FOCAD: variants seen among roughly 807,000 people sequenced by gnomAD.
FOCAD encodes KIAA1797.
In FOCAD, 198 loss-of-function variants were observed where a neutral mutation model predicts 225.6. That is an observed-to-expected ratio of 0.88 (90% CI 0.78 to 0.99). The LOEUF (loss-of-function observed/expected upper bound fraction) is 0.99, where lower values mean the gene tolerates loss of function less well. Ranked by LOEUF, FOCAD falls within the 50% of genes least tolerant of loss-of-function variation. The pLI, the probability that FOCAD is intolerant of heterozygous loss-of-function variation, is 0.00. For synonymous variants in FOCAD, 897 were observed against 755.0 expected (o/e 1.19, Z -3.08); for missense variants, 2,713 against 2,123.6 (o/e 1.28, Z -5.46).
At chr9:20,796,671 T>C (rs951784268) in intron 11 of FOCAD, among the ~76,000 whole-genome samples, 1 of 152,232 alleles carries the variant, frequency 6.6e-6, no homozygotes, top group African/African-American at 2.4e-5. Context: ...TGTTTGTTTT[T>C]TTCTTGTAAA....
intron 5 of FOCAD, 33 bp from the exon 6 acceptor site, chr9:20,758,057 A>G (rs745703760): frequency 6.8e-7 from 1 of 1,472,732 alleles, no homozygotes; most frequent in African/African-American, 1.4e-5. Context: ...GTCCTGAATA[A>G]CAGGTTCCCA....
intron 24 of FOCAD, among the ~76,000 whole-genome samples, chr9:20,917,748 C>A (rs139599033): frequency 1.6e-3 from 237 of 152,180 alleles, no homozygotes; most frequent in Middle Eastern, 6.8e-3. Context: ...ATAGTTTATC[C>A]TTTTCATGTC....
rs78576491 is a variant in FOCAD at position 20,742,286 on chromosome 9, T to G, written c.392+1946T>G. Among the ~76,000 whole-genome samples, 416 of 152,356 alleles carry G rather than the reference T, an allele frequency of 2.7e-3. 7 individuals are homozygous for G. The East Asian group carries it at 0.036, about 13-fold the overall frequency. On this transcript the variant is annotated intron_variant, in intron 5 of 43. Transcript: ENST00000338382. ...AGGCCTAGTGGTTTTAAAAGTGTCCTAGGTGATTGTCATTCACAATGAGTA... is the reference window on the plus strand; with the variant it reads ...AGGCCTAGTGGTTTTAAAAGTGTCCGAGGTGATTGTCATTCACAATGAGTA...
At chr9:20,874,378 T>C in intron 18 of FOCAD, 1 of 219,610 alleles carries the variant, frequency 4.6e-6, no homozygotes, top group Non-Finnish European at 8.8e-6. Context: ...TTGGATGGTA[T>C]AGAATTTTAT....
intron 35 of FOCAD, among the ~76,000 whole-genome samples, chr9:20,969,888 C>G (rs1457308684): frequency 6.6e-6 from 1 of 151,698 alleles, no homozygotes; most frequent in East Asian, 1.9e-4. Flanking sequence ...TAGGGCATGT[C>G]TATGGGTAAC....
chr9:20,763,488 A>G (rs1004525701), intron 6 of FOCAD, among the ~76,000 whole-genome samples: 2 of 152,214 alleles, frequency 1.3e-5, no homozygotes, highest in Non-Finnish European at 2.9e-5. Flanking sequence ...TAATGGCAAT[A>G]AAGGCATTGT....
At chr9:20,842,841 T>C (rs1193575111) in intron 15 of FOCAD, among the ~76,000 whole-genome samples, 1 of 151,972 alleles carries the variant, frequency 6.6e-6, no homozygotes, top group Non-Finnish European at 1.5e-5. Context: ...TTTTCTCTGG[T>C]AATATATTTT....
chr9:20,951,212 C>A, intron 34 of FOCAD, 114 bp downstream of exon 34: 1 of 768,062 alleles, frequency 1.3e-6, no homozygotes, highest in Non-Finnish European at 2.2e-6. Context: ...TGGGTATTAC[C>A]ATCTCTGTTT....
chr9:20,656,427 T>C (rs188605460), upstream of FOCAD, among the ~76,000 whole-genome samples: 6 of 152,306 alleles, frequency 3.9e-5, no homozygotes, highest in African/African-American at 1.4e-4. Context: ...TCTTTGTAGG[T>C]CACTCAGGAC....
At chr9:20,781,407 G>T (rs1819347105) in intron 9 of FOCAD, among the ~76,000 whole-genome samples, 2 of 152,178 alleles carry the variant, frequency 1.3e-5, no homozygotes, top group Admixed American at 6.5e-5. Context: ...TGGTCTCTTA[G>T]CTCTGTTTGC....
At chr9:20,923,807 T>G in intron 25 of FOCAD, 39 bp downstream of exon 25, 2 of 1,507,074 alleles carry the variant, frequency 1.3e-6, no homozygotes, top group Non-Finnish European at 1.8e-6. Context: ...TTTGATTATG[T>G]CTTTTTAAGC....
Position 20,790,842 on chromosome 9 carries a change from C to G in FOCAD, c.1455+1234C>G, listed in dbSNP as rs148864356. 8.7e-4 allele frequency among the ~76,000 whole-genome samples: 132 copies of G among 152,278 alleles called. 1 individual carries two copies. In the East Asian group the frequency reaches 0.022, roughly 25 times the overall value. Reference sequence around the variant, plus strand: ...TCCTTTTTAACCTCAAATTGTCATACTCATTCCTTTTTGTCATGTAAACAA... The same window carrying G: ...TCCTTTTTAACCTCAAATTGTCATAGTCATTCCTTTTTGTCATGTAAACAA... On this transcript the variant is annotated intron_variant, in intron 11 of 43. Coordinates refer to ENST00000338382, the MANE Select transcript of FOCAD (RefSeq NM_001375567.1).
intron 8 of FOCAD, among the ~76,000 whole-genome samples, chr9:20,773,446 C>T (rs1818435678): frequency 6.6e-6 from 1 of 152,180 alleles, no homozygotes; most frequent in African/African-American, 2.4e-5. Context: ...GTAGCACCCA[C>T]AGGTGATTTT....
At chr9:20,685,458 T>C (rs1343487216) in intron 1 of FOCAD, among the ~76,000 whole-genome samples, 3 of 152,234 alleles carry the variant, frequency 2.0e-5, no homozygotes, top group Non-Finnish European at 4.4e-5. Context: ...TCAACGAACA[T>C]TGTATCTGTC....
At chr9:20,692,439 G>C (rs10738564) in intron 1 of FOCAD, among the ~76,000 whole-genome samples, 128,865 of 152,164 alleles carry the variant, frequency 0.85, 54,626 homozygotes, top group Admixed American at 0.89. Context: ...GTTTATGTCC[G>C]GATCTTGCAG....
At chr9:20,885,080 A>T in intron 20 of FOCAD, 29 bp from the exon 21 acceptor site, 1 of 1,272,480 alleles carries the variant, frequency 7.9e-7, no homozygotes, top group Non-Finnish European at 1.0e-6. Flanking sequence ...AATAAAAATA[A>T]AATAAAGTCT....
At chr9:20,867,077 C>A in intron 18 of FOCAD, 65 bp downstream of exon 18, 1 of 1,055,920 alleles carries the variant, frequency 9.5e-7, no homozygotes, top group Non-Finnish European at 1.4e-6. Context: ...TTTTCTCTCT[C>A]ATCTTAGGAG....
At chr9:20,683,190 G>A (rs1822458644), upstream of FOCAD, 1 of 152,114 alleles carries the variant, frequency 6.6e-6, no homozygotes, top group African/African-American at 2.4e-5. Context: ...TCCTACAAAT[G>A]AGAAACAGAA....
At chr9:20,953,089 T>A in intron 35 of FOCAD, 24 bp downstream of exon 35, 2 of 1,567,914 alleles carry the variant, frequency 1.3e-6, no homozygotes, top group Non-Finnish European at 1.8e-6. Context: ...TTTCTTGAAT[T>A]TTATCATTCT....
Sources: gnomAD v4.1 joint callset for allele counts (sites outside exome capture counted in the v4.1 genomes callset) on GRCh38, gnomAD v4.1.1 for gene constraint, MANE v1.5 for transcripts, NCBI Gene and HGNC (gene_info 2026-07-23, HGNC 2026-07-21) for gene names.